The following IL2RB variants were observed in gnomAD, a reference collection of about 807,000 sequenced individuals.
IL2RB encodes interleukin-2 receptor subunit beta.
A neutral mutation model predicts 44.2 loss-of-function variants in IL2RB; 17 were observed. The observed-to-expected ratio is 0.38, with a 90% CI of 0.26 to 0.58. The LOEUF (loss-of-function observed/expected upper bound fraction) is 0.58, where lower values mean the gene tolerates loss of function less well. IL2RB is among the 20% of genes least tolerant of loss of function. The probability of loss-of-function intolerance (pLI) is 0.63; values close to 1 mark genes in which losing one functional copy is unlikely to be tolerated. For missense variants in IL2RB, 624 were observed against 685.5 expected, an observed-to-expected ratio of 0.91 and a Z score of 1.00; for synonymous variants, 286 against 297.9, an observed-to-expected ratio of 0.96 and a Z score of 0.41.
chr22:37,171,342 C>A (rs539311977), intron 1 of IL2RB, among the ~76,000 whole-genome samples: 1 of 152,270 alleles, frequency 6.6e-6, no homozygotes, highest in Non-Finnish European at 1.5e-5. Context: ...AACCCTTTTT[C>A]TAGAGGCTTA....
Position 37,170,151 on chromosome 22 carries a change from C to T in IL2RB, c.-34+4807G>A, listed in dbSNP as rs368261784. ...ATGGATGAAGGGATGAACAGACAGA[C>T]GGATGGACAGACAGTGGATGTGGAT... is the stretch of plus-strand genomic sequence containing the variant. On this transcript the variant is annotated intron_variant, in intron 1 of 5. Coordinates refer to the IL2RB transcript ENST00000429622. Among the ~76,000 whole-genome samples, 3 of 151,930 alleles carry T rather than the reference C, an allele frequency of 2.0e-5. 1 individual carries two copies. The highest frequency in any genetic ancestry group is 1.3e-4 in the Admixed American group (2 of 15,258).
chr22:37,137,475 C>T (rs1371014664), intron 6 of IL2RB, 112 bp downstream of exon 6: 20 of 1,150,408 alleles, frequency 1.7e-5, no homozygotes, highest in Non-Finnish European at 2.5e-5. Context: ...GACTCAGCCA[C>T]CCACCATCCA....
At chr22:37,170,307 G>T (rs917239262) in intron 1 of IL2RB, among the ~76,000 whole-genome samples, 7 of 152,210 alleles carry the variant, frequency 4.6e-5, no homozygotes, top group African/African-American at 1.4e-4. Flanking sequence ...TTTTGCAGAA[G>T]AGATGGGGTG....
At chr22:37,153,621 C>G (rs1249033802), upstream of IL2RB, among the ~76,000 whole-genome samples, 1 of 152,212 alleles carries the variant, frequency 6.6e-6, no homozygotes, top group Non-Finnish European at 1.5e-5. Context: ...ACAGCCACAA[C>G]CATGAGAATA....
At chr22:37,134,658 C>G (rs913480866) in intron 8 of IL2RB, among the ~76,000 whole-genome samples, 11 of 152,110 alleles carry the variant, frequency 7.2e-5, no homozygotes, top group African/African-American at 2.7e-4. Flanking sequence ...GAGTATCCAC[C>G]AGCTTTGGTA....
intron 1 of IL2RB, among the ~76,000 whole-genome samples, chr22:37,164,401 G>T (rs1922995244): frequency 6.6e-6 from 1 of 151,306 alleles, no homozygotes; most frequent in African/African-American, 2.4e-5. Context: ...GAGCCCAGAG[G>T]TGCTGCTGAC....
At chr22:37,172,324 C>G (rs906720565) in intron 1 of IL2RB, among the ~76,000 whole-genome samples, 1 of 152,172 alleles carries the variant, frequency 6.6e-6, no homozygotes, top group African/African-American at 2.4e-5. Flanking sequence ...TTGGCGCCCG[C>G]TGTGCTTGGG....
intron 1 of IL2RB, among the ~76,000 whole-genome samples, chr22:37,145,712 C>T (rs983557458): frequency 1.3e-5 from 2 of 151,964 alleles, no homozygotes; most frequent in Non-Finnish European, 2.9e-5. Flanking sequence ...TAGCCTCAGT[C>T]AGAGGGGCAG....
intron 1 of IL2RB, among the ~76,000 whole-genome samples, chr22:37,159,625 T>C (rs988569894): frequency 1.3e-5 from 2 of 152,184 alleles, no homozygotes; most frequent in African/African-American, 4.8e-5. Context: ...ACTTCAAGAA[T>C]CTAAACAAGG....
chr22:37,164,849 C>T lies in IL2RB; in HGVS notation c.-34+10109G>A, dbSNP rs963556893. On this transcript the variant is annotated intron_variant, in intron 1 of 5. Transcript: ENST00000429622. ...TAGGTAACTCCTCTAGCCCTTACTACGCACCAGGCCCTATTCTAAGTACAC... is the reference window on the plus strand; with the variant it reads ...TAGGTAACTCCTCTAGCCCTTACTATGCACCAGGCCCTATTCTAAGTACAC... Among the ~76,000 whole-genome samples, 4 of 152,206 alleles carry T rather than the reference C, an allele frequency of 2.6e-5. No homozygotes were observed. In the East Asian group the frequency reaches 7.7e-4, roughly 29 times the overall value.
At chr22:37,129,898 C>A (rs1272654092) in intron 9 of IL2RB, among the ~76,000 whole-genome samples, 1 of 152,176 alleles carries the variant, frequency 6.6e-6, no homozygotes, top group African/African-American at 2.4e-5. Flanking sequence ...GCCCAATGGG[C>A]TCCCCAGGCC....
Position 37,128,198 on chromosome 22 carries a change from C to T in IL2RB, c.1554G>A (p.Gly518=). ...GVSFPWSRPP[G]QGEFRALNAR... ...CATTAAGGGCCCTGAACTCCCCCTG[C>T]CCAGGAGGCCTGGACCAGGGGAAAC... is the stretch of plus-strand genomic sequence containing the variant. Residue 518 remains glycine, a synonymous_variant, in exon 10 of 10, where the codon GGG becomes GGA. Transcript: ENST00000216223. This position sits in a 1 kb window ranked among gnomAD's most constrained non-coding sequence, Gnocchi z 4.5. 6.5e-7 allele frequency: 1 copy of T among 1,529,490 alleles called. No individual in the cohort carries two copies. Among genetic ancestry groups the T allele is most frequent in the Non-Finnish European group, 8.7e-7 (1 of 1,142,910 alleles). 94.7% of individuals were successfully genotyped at this position (1,529,490 alleles called of 1,614,324 possible).
At chr22:37,131,248 A>G (rs2146227367) in intron 9 of IL2RB, among the ~76,000 whole-genome samples, 1 of 152,330 alleles carries the variant, frequency 6.6e-6, no homozygotes, top group East Asian at 1.9e-4. Flanking sequence ...GGAGTTCCAG[A>G]AGGGGCCCTT....
upstream of IL2RB, among the ~76,000 whole-genome samples, chr22:37,152,771 ATGGAT>A (rs1304751662): frequency 6.6e-6 from 1 of 151,822 alleles, no homozygotes; most frequent in Non-Finnish European, 1.5e-5. Context: ...ATGGAAACTT[ATGGAT>A]TGGTCTTTAG....
At chr22:37,137,787 C>T (rs774603661) in intron 5 of IL2RB, 52 bp from the exon 6 acceptor site, 5 of 1,513,396 alleles carry the variant, frequency 3.3e-6, no homozygotes, top group African/African-American at 2.8e-5. Flanking sequence ...CTCCACCTCC[C>T]ACTTTGTACC....
intron 1 of IL2RB, among the ~76,000 whole-genome samples, chr22:37,148,684 C>A (rs1477493922): frequency 6.6e-6 from 1 of 152,094 alleles, no homozygotes; most frequent in African/African-American, 2.4e-5. Context: ...AGCTTTTAGC[C>A]CTCCCTACAG....
At chr22:37,134,474 C>T (rs577176564) in intron 8 of IL2RB, among the ~76,000 whole-genome samples, 17 of 152,234 alleles carry the variant, frequency 1.1e-4, no homozygotes, top group Admixed American at 7.8e-4. Context: ...AGCACGGTGG[C>T]GTGTGCCTGT....
chr22:37,170,927 C>G (rs761710347), intron 1 of IL2RB, among the ~76,000 whole-genome samples: 1 of 152,132 alleles, frequency 6.6e-6, no homozygotes, highest in African/African-American at 2.4e-5. Context: ...GTGGAACTTC[C>G]GATATTATGG....
intron 1 of IL2RB, among the ~76,000 whole-genome samples, chr22:37,171,873 A>T (rs768061542): frequency 2.0e-5 from 3 of 152,156 alleles, no homozygotes; most frequent in African/African-American, 4.8e-5. Context: ...ACCCAAACAC[A>T]TATGGGCAGA....
Sources: allele counts gnomAD v4.1 joint callset (sites outside exome capture counted in the v4.1 genomes callset), GRCh38; gene constraint gnomAD v4.1.1; non-coding constraint Gnocchi (gnomAD v3.1); transcripts MANE v1.5; gene names NCBI Gene and HGNC (gene_info 2026-07-23, HGNC 2026-07-21).